The following TAP2 variants were observed in gnomAD, a reference collection of about 807,000 sequenced individuals.
TAP2 encodes the protein antigen peptide transporter 2.
In TAP2, 49 loss-of-function variants were observed where a neutral mutation model predicts 74.7. The ratio of observed to expected loss-of-function variants is 0.66; its 90% CI spans 0.52 to 0.83. The LOEUF (loss-of-function observed/expected upper bound fraction) is 0.83, where lower values mean the gene tolerates loss of function less well. TAP2 is among the 40% of genes least tolerant of loss of function. The probability of loss-of-function intolerance (pLI) is 0.00; values close to 1 mark genes in which losing one functional copy is unlikely to be tolerated. For missense variants in TAP2, 739 were observed against 859.0 expected, an observed-to-expected ratio of 0.86 and a Z score of 1.75; for synonymous variants, 306 against 368.4, an observed-to-expected ratio of 0.83 and a Z score of 1.94.
At chr6:32,831,959 T>C (rs1769107623) in intron 7 of TAP2, among the ~76,000 whole-genome samples, 1 of 152,262 alleles carries the variant, frequency 6.6e-6, no homozygotes, top group South Asian at 2.1e-4. Flanking sequence ...TTTGGTGTGA[T>C]AATGGCTTTG....
Position 32,832,612 on chromosome 6 carries a change from A to C in TAP2, c.1143+15T>G, listed in dbSNP as rs949600723. ...CCTTTCCTGGGCTCCTTTCACAACCACTCTGGTATCTTACCCTCCTTACGA... is the reference window on the plus strand; with the variant it reads ...CCTTTCCTGGGCTCCTTTCACAACCCCTCTGGTATCTTACCCTCCTTACGA... On this transcript the variant is annotated intron_variant, in intron 6 of 11. Coordinates refer to ENST00000374897, the MANE Select transcript of TAP2 (RefSeq NM_001290043.2). This position sits in a 1 kb window ranked among gnomAD's most constrained non-coding sequence, Gnocchi z 5.9. 8 of 1,611,970 alleles carry C rather than the reference A, an allele frequency of 5.0e-6. No homozygotes were observed. Among genetic ancestry groups the C allele is most frequent in the Non-Finnish European group, 6.8e-6 (8 of 1,179,816 alleles).
chr6:32,836,234 A>G (rs9296051), intron 3 of TAP2, among the ~76,000 whole-genome samples: 1,544 of 152,290 alleles, frequency 0.01, 26 homozygotes, highest in African/African-American at 0.028. Context: ...GGGAACTGCA[A>G]TAATAAATTC....
chr6:32,829,228 G>C (rs1475245018), intron 11 of TAP2, among the ~76,000 whole-genome samples, 172 bp downstream of exon 11: 1 of 152,180 alleles, frequency 6.6e-6, no homozygotes, highest in Non-Finnish European at 1.5e-5. Context: ...AAGCCCAGGA[G>C]GGAACTGGGG....
chr6:32,838,294 G>C, intron 1 of TAP2, 57 bp from the exon 2 acceptor site: 1 of 1,498,766 alleles, frequency 6.7e-7, no homozygotes, highest in Non-Finnish European at 8.8e-7. Flanking sequence ...CCTTGTCCCT[G>C]CCCTCCTACC....
intron 1 of TAP2, 137 bp downstream of exon 1, chr6:32,838,516 G>A (rs570586080): frequency 2.6e-6 from 1 of 382,032 alleles, no homozygotes; most frequent in Non-Finnish European, 4.6e-6. Flanking sequence ...CCCGCCTGCC[G>A]CGGCGAGCTA....
chr6:32,832,516 C>G lies in TAP2; in HGVS notation c.1144-55G>C, dbSNP rs1381522969. 2 of 1,610,880 alleles carry G rather than the reference C, an allele frequency of 1.2e-6. No individual in the cohort carries two copies. The highest frequency in any genetic ancestry group is 2.2e-5 in the East Asian group (1 of 44,850). On this transcript the variant is annotated intron_variant, in intron 6 of 11. Transcript: ENST00000374897. The surrounding 1 kb of genome is among the most constrained non-coding windows in gnomAD (Gnocchi z 5.9). ...GGGAATCTTCCCATTCTTTCCCCCT[C>G]TCTGCCTCTATGAGACTGAGCTGCA... is the stretch of plus-strand genomic sequence containing the variant.
At chr6:32,822,486 C>T (rs920898965), downstream of TAP2, among the ~76,000 whole-genome samples, 1 of 152,026 alleles carries the variant, frequency 6.6e-6, no homozygotes, top group Admixed American at 6.6e-5. Context: ...CAATATTATA[C>T]TTGCTTCATA....
Position 32,835,565 on chromosome 6 carries a change from A to C in TAP2, c.739+78T>G, listed in dbSNP as rs2127363777. On this transcript the variant is annotated intron_variant, in intron 4 of 11. Transcript: ENST00000374897. This position sits in a 1 kb window ranked among gnomAD's most constrained non-coding sequence, Gnocchi z 4.0. ...GTCCTGGCATACGGGTGAAGGCAGG[A>C]GGAGAGGCTGTGGGTGGAAGGTCAC... 3 of 1,600,028 alleles carry C rather than the reference A, an allele frequency of 1.9e-6. No homozygotes were observed. In the South Asian group the frequency reaches 3.3e-5, roughly 18 times the overall value.
At position 32,830,074 on chromosome 6, in the gene TAP2, GC is replaced by G. The variant is rs748833909; in HGVS notation, c.1650del (p.Gln551ArgfsTer10). On this transcript the variant is annotated frameshift_variant, in exon 10 of 12. Coordinates refer to ENST00000374897, the MANE Select transcript of TAP2 (RefSeq NM_001290043.2). LOFTEE classifies it high-confidence loss of function. ...CYLHSQVVSV[G>X]QEPVLFSGSV... is the part of the protein sequence containing the mutation. ...GAACCGGAGAACAGCACAGGCTCCT[GC>G]CCAACTGAAACCACCTGTGCAGCAG... is the stretch of plus-strand genomic sequence containing the variant. 2 of 1,613,026 alleles carry G rather than the reference GC, an allele frequency of 1.2e-6. No individual in the cohort carries two copies. Among genetic ancestry groups the G allele is most frequent in the Admixed American group, 3.3e-5 (2 of 60,030 alleles).
Position 32,826,460 on chromosome 6 carries a change from G to C in TAP2, c.*2446C>G, listed in dbSNP as rs780613165. On this transcript the variant is annotated 3_prime_UTR_variant, in exon 12 of 12. Transcript: ENST00000374897. ...AATCAAATGGTGATGGGGGGTAGGA[G>C]TGAACAAAAAGAACTCTGGAGCAAA... is the stretch of plus-strand genomic sequence containing the variant. 16 of 985,320 alleles carry C rather than the reference G, an allele frequency of 1.6e-5. No individual in the cohort carries two copies. The highest frequency in any genetic ancestry group is 1.9e-5 in the Non-Finnish European group (16 of 829,948). The allele number at this position is 985,320 out of a possible 1,614,324, so 61.0% of individuals were successfully genotyped here. A position where few individuals can be genotyped will look rare whatever the true frequency, so the allele number is the denominator to read the frequency against.
At chr6:32,822,599 G>T (rs1199178007), downstream of TAP2, among the ~76,000 whole-genome samples, 1 of 151,672 alleles carries the variant, frequency 6.6e-6, no homozygotes, top group African/African-American at 2.4e-5. Flanking sequence ...GAGTGCAGTG[G>T]CACAATCATA....
At chr6:32,825,126 T>TATATATATATATATA (rs1554230832), downstream of TAP2, among the ~76,000 whole-genome samples, 666 of 140,738 alleles carry the variant, frequency 4.7e-3, 7 homozygotes, top group Middle Eastern at 0.034. Flanking sequence ...TGTCTGTTGG[T>TATATATATATATATA]TATATACATA....
Position 32,837,917 on chromosome 6 carries a change from T to C in TAP2, c.317A>G (p.Tyr106Cys). 6.2e-7 allele frequency: 1 copy of C among 1,605,080 alleles called. No homozygotes were observed. Among genetic ancestry groups the C allele is most frequent in the Non-Finnish European group, 8.5e-7 (1 of 1,175,802 alleles). ...SAPWSWLLVGYGAAGLSWSLW... is the reference protein window; with the variant it reads ...SAPWSWLLVGCGAAGLSWSLW... ...TGACCAGCTGAGCCCCGCAGCCCCG[T>C]ACCCCACCAGCAGCCAGCTCCAAGG... is the stretch of plus-strand genomic sequence containing the variant. Residue 106 changes from tyrosine (Y) to cysteine (C), a missense_variant, in exon 2 of 12, where the codon TAC becomes TGC. Coordinates refer to ENST00000374897, the MANE Select transcript of TAP2 (RefSeq NM_001290043.2).
Position 32,828,255 on chromosome 6 carries a change from A to G in TAP2, c.*651T>C, listed in dbSNP as rs1195614003. ...TAGCTCCTACTCCCATTAAAACTCTATAAATGGTAGCTGTTACCAATGTCG... is the reference window on the plus strand; with the variant it reads ...TAGCTCCTACTCCCATTAAAACTCTGTAAATGGTAGCTGTTACCAATGTCG... On this transcript the variant is annotated 3_prime_UTR_variant, in exon 12 of 12. Transcript: ENST00000374897. 2 of 983,778 alleles carry G rather than the reference A, an allele frequency of 2.0e-6. No homozygotes were observed. Among genetic ancestry groups the G allele is most frequent in the Non-Finnish European group, 2.4e-6 (2 of 828,582 alleles). The allele number at this position is 983,778 out of a possible 1,614,324, so 60.9% of individuals were successfully genotyped here. A position where few individuals can be genotyped will look rare whatever the true frequency, so the allele number is the denominator to read the frequency against.
downstream of TAP2, among the ~76,000 whole-genome samples, chr6:32,823,133 T>C (rs1161738877): frequency 1.3e-5 from 2 of 152,120 alleles, no homozygotes; most frequent in Non-Finnish European, 2.9e-5. Context: ...TTGGCCAGGC[T>C]GCCCTCGAAA....
rs572175054 is a variant in TAP2 at position 32,830,693 on chromosome 6, G to A, written c.1386C>T (p.Thr462=). 129 of 1,613,102 alleles carry A rather than the reference G, an allele frequency of 8.0e-5. No homozygotes were observed. Among genetic ancestry groups the A allele is most frequent in the Non-Finnish European group, 2.5e-6 (3 of 1,180,026 alleles). The change falls in exon 8 of 12, where the codon ACC becomes ACT. Residue 462 remains threonine (T), a synonymous_variant. Coordinates refer to ENST00000374897, the MANE Select transcript of TAP2 (RefSeq NM_001290043.2). ...GGAATTTCACAACCCCCTGCAGAGT[G>A]GTGGGGGCAAGCGTGCCAGGTGAAG... is the stretch of plus-strand genomic sequence containing the variant. ...NLPSPGTLAP[T]TLQGVVKFQD...
chr6:32,827,782 G>A lies in TAP2; in HGVS notation c.*1124C>T. The A allele has an allele frequency of 2.3e-6, 2 of 866,382 alleles. 1 individual carries two copies. Among genetic ancestry groups the A allele is most frequent in the Non-Finnish European group, 2.7e-6 (2 of 752,440 alleles). The allele number at this position is 866,382 out of a possible 1,614,324, so 53.7% of individuals were successfully genotyped here. ...GCAGCAGGGCTTGAGAGCACCTGAAGGAATTTCCAGAAATGCCATCATCGT... is the reference window on the plus strand; with the variant it reads ...GCAGCAGGGCTTGAGAGCACCTGAAAGAATTTCCAGAAATGCCATCATCGT... On this transcript the variant is annotated 3_prime_UTR_variant, in exon 12 of 12. Transcript: ENST00000374897.
chr6:32,834,856 G>A (rs1769308181), intron 5 of TAP2, among the ~76,000 whole-genome samples: 1 of 152,148 alleles, frequency 6.6e-6, no homozygotes, highest in South Asian at 2.1e-4. Flanking sequence ...ACTCCTTTGA[G>A]AAGCTAATGA....
chr6:32,830,245 T>A, intron 9 of TAP2, 22 bp downstream of exon 9: 1 of 1,579,522 alleles, frequency 6.3e-7, no homozygotes, highest in African/African-American at 1.4e-5. Flanking sequence ...TCCTGTCCCC[T>A]GTCTTCTCCC....
Sources: allele counts gnomAD v4.1 joint callset (sites outside exome capture counted in the v4.1 genomes callset), GRCh38; gene constraint gnomAD v4.1.1; non-coding constraint Gnocchi (gnomAD v3.1); transcripts MANE v1.5; gene names NCBI Gene and HGNC (gene_info 2026-07-23, HGNC 2026-07-21).